VIRMA: variants seen among roughly 807,000 people sequenced by gnomAD.
The protein encoded by VIRMA is protein virilizer homolog.
VIRMA carries 65 observed loss-of-function variants against 182.4 expected under a neutral mutation model. That is an observed-to-expected ratio of 0.36 (90% CI 0.29 to 0.44). The LOEUF is 0.44. Among genes scored for constraint, VIRMA ranks in the 20% least tolerant of loss-of-function variants. The pLI, the probability that VIRMA is intolerant of heterozygous loss-of-function variation, is 1.00. For synonymous variants in VIRMA, 709 were observed against 743.1 expected (o/e 0.95, Z 0.75); for missense variants, 1,752 against 2,158.1 (o/e 0.81, Z 3.73).
At chr8:94,534,777 A>ATT (rs59429647) in intron 5 of VIRMA, 62 bp downstream of exon 5, 1,375 of 1,363,948 alleles carry the variant, frequency 1.0e-3, no homozygotes, top group East Asian at 1.9e-3. Context: ...TCTTCGAATT[A>ATT]TTTTTTTTTT....
At chr8:94,521,449 G>A (rs934096046) in intron 8 of VIRMA, among the ~76,000 whole-genome samples, 11 of 152,064 alleles carry the variant, frequency 7.2e-5, no homozygotes, top group East Asian at 5.8e-4. Context: ...CCAAAACATC[G>A]TATTTTTTCA....
chr8:94,503,045 G>A (rs942412339), intron 16 of VIRMA, among the ~76,000 whole-genome samples: 1 of 151,986 alleles, frequency 6.6e-6, no homozygotes, highest in Non-Finnish European at 1.5e-5. Context: ...CAATGCAGGA[G>A]AAGCAACAAC....
rs78683695 is a variant in VIRMA, at chr8:94,532,498, G to A, written c.485-1413C>T. 6.2e-3 allele frequency among the ~76,000 whole-genome samples: 942 copies of A among 152,292 alleles called. 6 individuals carry two copies. The highest frequency in any genetic ancestry group is 0.021 in the African/African-American group (879 of 41,564). On this transcript the variant is annotated intron_variant, in intron 5 of 23. Transcript: ENST00000297591. ...GTTACACATACACAAACAAGTGCGT[G>A]TCTATCTAGTGAAATCTGAATAAGC...
chr8:94,495,871 G>A lies in VIRMA; in HGVS notation c.4404C>T (p.Asp1468=). The A allele has an allele frequency of 1.2e-6, 2 of 1,612,770 alleles. No homozygotes were observed. Among genetic ancestry groups the A allele is most frequent in the Middle Eastern group, 3.3e-4 (2 of 6,060 alleles). Residue 1468 remains aspartate (D), a synonymous_variant, in exon 19 of 24, where the codon GAC becomes GAT. Transcript: ENST00000297591. Reference sequence around the variant, plus strand: ...CACTGTCCAACAAAGAATCCAGATTGTCATCATCTTTTGAATGTTCCTAGA... The same window carrying A: ...CACTGTCCAACAAAGAATCCAGATTATCATCATCTTTTGAATGTTCCTAGA... The part of the protein sequence containing the change: ...KLVLEHSKDD[D]NLDSLLDSVV...
chr8:94,509,625 T>TAC (rs138207070), intron 15 of VIRMA, 63 bp downstream of exon 15: 113,251 of 1,405,992 alleles, frequency 0.081, 2,362 homozygotes, highest in African/African-American at 0.25. Flanking sequence ...GATGCTTAAA[T>TAC]ACACACACAC....
At chr8:94,491,963 A>C in intron 21 of VIRMA, 54 bp from the exon 22 acceptor site, 1 of 1,384,708 alleles carries the variant, frequency 7.2e-7, no homozygotes, top group Non-Finnish European at 9.7e-7. Context: ...TTCTAGCAAA[A>C]ATAATCTTTA....
At position 94,506,656 on chromosome 8, in the gene VIRMA, G is replaced by A; in HGVS notation, c.3941C>T (p.Ser1314Phe). Reference sequence around the variant, plus strand: ...CAATTCTTTATTTGGTAGAGAATTGGAGAGCTGCTCCAGTTCAGAAATAGA... The same window carrying A: ...CAATTCTTTATTTGGTAGAGAATTGAAGAGCTGCTCCAGTTCAGAAATAGA... ...EGSISELEQL[S>F]NSLPNKELMT... Residue 1314 changes from serine to phenylalanine, a missense_variant, in exon 16 of 24, where the codon TCC (serine) becomes TTC (phenylalanine). Physicochemically the swap from Ser to Phe is radical, Grantham distance 155. Around this residue, in one of 11 missense-constraint regions of VIRMA, gnomAD observed 777 missense variants for 920.6 expected, o/e 0.84. Coordinates refer to ENST00000297591, the MANE Select transcript of VIRMA (RefSeq NM_015496.5). 1 of 1,613,894 alleles carries A rather than the reference G, an allele frequency of 6.2e-7. No individual in the cohort carries two copies. The highest frequency in any genetic ancestry group is 8.5e-7 in the Non-Finnish European group (1 of 1,179,894).
At chr8:94,516,955 A>G (rs903128480) in intron 10 of VIRMA, among the ~76,000 whole-genome samples, 2 of 152,242 alleles carry the variant, frequency 1.3e-5, no homozygotes, top group Non-Finnish European at 2.9e-5. Context: ...GAACCAAAAT[A>G]AAATAATTTA....
At chr8:94,539,095 C>G (rs1815450798) in intron 2 of VIRMA, among the ~76,000 whole-genome samples, 1 of 147,600 alleles carries the variant, frequency 6.8e-6, no homozygotes, top group Non-Finnish European at 1.5e-5. Flanking sequence ...TAAGTAGAGA[C>G]AAGTTATCAC....
Position 94,510,528 on chromosome 8 carries a change from G to A in VIRMA, c.3515C>T (p.Pro1172Leu), listed in dbSNP as rs1048143538. ...AATACGCCGTAACATATGTTGAATGGGCTGGCAGGTTGTGCCAGAGAAAGA... is the reference window on the plus strand; with the variant it reads ...AATACGCCGTAACATATGTTGAATGAGCTGGCAGGTTGTGCCAGAGAAAGA... Reference protein sequence around the residue: ...VRSFSGTTCQPIQHMLRRICV... With the variant: ...VRSFSGTTCQLIQHMLRRICV... The change falls in exon 14 of 24, where the codon CCC (proline) becomes CTC (leucine). Residue 1172 changes from proline (P) to leucine (L), a missense_variant. By Grantham distance (98) the Pro-to-Leu change is moderately conservative. Around this residue, in one of 11 missense-constraint regions of VIRMA, gnomAD observed 777 missense variants for 920.6 expected, o/e 0.84. Transcript: ENST00000297591. 6.2e-6 allele frequency: 10 copies of A among 1,613,948 alleles called. No individual in the cohort carries two copies. Among genetic ancestry groups the A allele is most frequent in the Non-Finnish European group, 8.5e-6 (10 of 1,180,004 alleles).
chr8:94,489,934 T>C lies in VIRMA; in HGVS notation c.5284+5A>G, dbSNP rs1281382807. On this transcript the variant is annotated splice_donor_5th_base_variant and intron_variant, in intron 23 of 23. Coordinates refer to ENST00000297591, the MANE Select transcript of VIRMA (RefSeq NM_015496.5). ...TCAGCAATATCAAGTAGCAAGGATG[T>C]ATACCTGTAGAACTAAGGGGTCGTA... 3.7e-6 allele frequency: 6 copies of C among 1,612,414 alleles called. No homozygotes were observed. Among genetic ancestry groups the C allele is most frequent in the Middle Eastern group, 1.7e-4 (1 of 6,042 alleles).
intron 1 of VIRMA, chr8:94,546,859 T>TA: frequency 2.2e-6 from 1 of 454,062 alleles, no homozygotes; most frequent in Non-Finnish European, 4.4e-6. Flanking sequence ...CCCCTGATCT[T>TA]ACTGTTGCCA....
Position 94,488,663 on chromosome 8 carries a change from C to T in VIRMA, c.*43G>A, listed in dbSNP as rs1350526801. ...TTCAATGTCTTATTTTTATTGTCCTCGTGAAATGTTCATATACAGTTAAGA... is the reference window on the plus strand; with the variant it reads ...TTCAATGTCTTATTTTTATTGTCCTTGTGAAATGTTCATATACAGTTAAGA... On this transcript the variant is annotated 3_prime_UTR_variant, in exon 24 of 24. Coordinates refer to ENST00000297591, the MANE Select transcript of VIRMA (RefSeq NM_015496.5). 4.4e-6 allele frequency: 7 copies of T among 1,580,200 alleles called. No homozygotes were observed. In the African/African-American group the frequency reaches 6.7e-5, roughly 15 times the overall value.
intron 8 of VIRMA, among the ~76,000 whole-genome samples, chr8:94,523,855 G>A (rs1014991714): frequency 6.6e-6 from 1 of 151,766 alleles, no homozygotes; most frequent in African/African-American, 2.4e-5. Flanking sequence ...GCAGTGGCCC[G>A]ATCTCGGCTC....
At chr8:94,496,547 TC>T in intron 17 of VIRMA, 67 bp from the exon 18 acceptor site, 1 of 1,301,020 alleles carries the variant, frequency 7.7e-7, no homozygotes, top group Non-Finnish European at 1.1e-6. Context: ...CCACACTTAT[TC>T]ATATTATCTA....
chr8:94,526,241 G>A lies in VIRMA; in HGVS notation c.2003C>T (p.Pro668Leu), dbSNP rs1814959789. The change falls in exon 8 of 24, where the codon CCA becomes CTA. Residue 668 changes from proline (P) to leucine (L), a missense_variant. Coordinates refer to ENST00000297591, the MANE Select transcript of VIRMA (RefSeq NM_015496.5). Reference protein sequence around the residue: ...RITGPPERDDPYPVLFRYLHS... With the variant: ...RITGPPERDDLYPVLFRYLHS... ...GTCTTACCTAAAGAGAACAGGGTAT[G>A]GATCATCCCTCTCTGGAGGTCCAGT... 6.2e-7 allele frequency: 1 copy of A among 1,611,070 alleles called. No homozygotes were observed. The highest frequency in any genetic ancestry group is 1.3e-5 in the African/African-American group (1 of 74,754).
intron 20 of VIRMA, among the ~76,000 whole-genome samples, chr8:94,494,516 C>T (rs1191933964): frequency 7.0e-6 from 1 of 142,464 alleles, no homozygotes; most frequent in Non-Finnish European, 1.5e-5. Context: ...CACTTGAACC[C>T]GGGAAACGGA....
At position 94,511,317 on chromosome 8, in the gene VIRMA, C is replaced by T; in HGVS notation, c.3258G>A (p.Leu1086=). 6.2e-7 allele frequency: 1 copy of T among 1,613,738 alleles called. No homozygotes were observed. The highest frequency in any genetic ancestry group is 8.5e-7 in the Non-Finnish European group (1 of 1,179,906). The stretch of plus-strand genomic sequence containing the variant: ...ACATTAAAGACCAAGTATTATTGGC[C>T]AGAGTCTCTTCTGAGATTGTGAGTT... ...NEKLTISEET[L]ANNTWSLMLK... The change falls in exon 13 of 24, where the codon CTG becomes CTA. Residue 1086 remains leucine (L), a synonymous_variant. Coordinates refer to ENST00000297591, the MANE Select transcript of VIRMA (RefSeq NM_015496.5).
At chr8:94,505,340 T>TTA (rs1355792041) in intron 16 of VIRMA, among the ~76,000 whole-genome samples, 1 of 152,158 alleles carries the variant, frequency 6.6e-6, no homozygotes, top group Non-Finnish European at 1.5e-5. Context: ...TCCCATGTAG[T>TTA]TTAATAAATA....
Sources: allele counts gnomAD v4.1 joint callset (sites outside exome capture counted in the v4.1 genomes callset), GRCh38; gene constraint gnomAD v4.1.1; regional missense constraint gnomAD v4.1.1; transcripts MANE v1.5; gene names NCBI Gene and HGNC (gene_info 2026-07-23, HGNC 2026-07-21).